Variants in DCAF6 observed in about 807,000 individuals in gnomAD.
The protein encoded by DCAF6 is DDB1 and CUL4 associated factor 6, also known as DDB1- and CUL4-associated factor 6.
In DCAF6, 54 loss-of-function variants were observed where a neutral mutation model predicts 125.1. The observed-to-expected ratio is 0.43, with a 90% CI of 0.35 to 0.54. DCAF6 has a LOEUF of 0.54. Ranked by LOEUF, DCAF6 falls within the 20% of genes least tolerant of loss-of-function variation. DCAF6 has a pLI of 0.01. For missense variants in DCAF6, 934 were observed against 1,161.7 expected, an observed-to-expected ratio of 0.80 and a Z score of 2.85; for synonymous variants, 371 against 390.4, an observed-to-expected ratio of 0.95 and a Z score of 0.58.
chr1:167,933,594 C>T (rs1033845055), upstream of DCAF6, among the ~76,000 whole-genome samples: 1 of 152,212 alleles, frequency 6.6e-6, no homozygotes, highest in Non-Finnish European at 1.5e-5. Context: ...ATTTAATAAA[C>T]TCCTTGTAGG....
the DCAF6 span, chr1:167,903,735 T>C: frequency 1.5e-6 from 1 of 655,144 alleles, no homozygotes; most frequent in Non-Finnish European, 2.8e-6. Context: ...AGTTATACTA[T>C]ATCATATTTC....
At chr1:167,912,191 T>G in the DCAF6 span, among the ~76,000 whole-genome samples, 12 of 152,212 alleles carry the variant, frequency 7.9e-5, no homozygotes, top group Non-Finnish European at 1.5e-5. Flanking sequence ...TAGGAGTTAT[T>G]AAGAAATTAT....
intron 1 of DCAF6, 175 bp downstream of exon 1, chr1:167,937,183 G>A (rs1257128798): frequency 4.0e-5 from 25 of 621,012 alleles, no homozygotes; most frequent in South Asian, 3.6e-4. Context: ...CCCCAGTCAA[G>A]CCCCCTGTGC....
At chr1:167,910,364 A>G in the DCAF6 span, among the ~76,000 whole-genome samples, 1 of 152,230 alleles carries the variant, frequency 6.6e-6, no homozygotes, top group Non-Finnish European at 1.5e-5. Flanking sequence ...AATGTGAGGA[A>G]TGATGGCAGA....
intron 20 of DCAF6, among the ~76,000 whole-genome samples, chr1:168,067,508 G>A (rs1692487073): frequency 6.6e-6 from 1 of 152,106 alleles, no homozygotes; most frequent in African/African-American, 2.4e-5. Context: ...AGGCAGACAG[G>A]GAGCAAAGCA....
chr1:168,015,659 A>G, intron 10 of DCAF6, 122 bp from the exon 11 acceptor site: 2 of 808,814 alleles, frequency 2.5e-6, no homozygotes, highest in Non-Finnish European at 3.5e-6. Context: ...ATTTGTTTAT[A>G]GTATTCCTCT....
the DCAF6 span, chr1:167,883,335 G>T: frequency 7.4e-7 from 1 of 1,352,500 alleles, no homozygotes; most frequent in Non-Finnish European, 1.1e-6. Flanking sequence ...ACCACGCCCA[G>T]CCTCTAGGTT....
chr1:168,038,581 T>C (rs571468423), intron 13 of DCAF6, 93 bp downstream of exon 13: 1 of 944,800 alleles, frequency 1.1e-6, no homozygotes, highest in South Asian at 1.6e-5. Flanking sequence ...TATGTTTTGT[T>C]TTGCTATAAG....
At chr1:167,863,661 C>T in the DCAF6 span, among the ~76,000 whole-genome samples, 1 of 152,214 alleles carries the variant, frequency 6.6e-6, no homozygotes, top group Non-Finnish European at 1.5e-5. Flanking sequence ...GTGGAACATC[C>T]CTGCTGGGGA....
At chr1:167,875,317 G>A in the DCAF6 span, 2 of 856,442 alleles carry the variant, frequency 2.3e-6, no homozygotes, top group East Asian at 5.3e-5. Flanking sequence ...CTGACTCACG[G>A]GTCGCAAACG....
intron 17 of DCAF6, among the ~76,000 whole-genome samples, chr1:168,057,686 GAC>G (rs1452907877): frequency 2.0e-5 from 3 of 152,164 alleles, no homozygotes. Context: ...GGGATACACA[GAC>G]ACATATACAT....
intron 21 of DCAF6, among the ~76,000 whole-genome samples, chr1:168,071,268 A>G (rs1692980563): frequency 6.6e-6 from 1 of 152,184 alleles, no homozygotes; most frequent in Non-Finnish European, 1.5e-5. Context: ...GCCATAGACC[A>G]TATGTAAATG....
chr1:167,986,372 T>C (rs1216100742), intron 4 of DCAF6, among the ~76,000 whole-genome samples: 1 of 152,232 alleles, frequency 6.6e-6, no homozygotes, highest in Non-Finnish European at 1.5e-5. Context: ...ATAAGTCTTT[T>C]CATTTTGGCC....
intron 16 of DCAF6, among the ~76,000 whole-genome samples, chr1:168,050,077 A>AG (rs397773988): frequency 2.0e-5 from 3 of 151,208 alleles, no homozygotes; most frequent in Non-Finnish European, 4.4e-5. Context: ...AAAAAAAAAA[A>AG]CAAGCATCTA....
chr1:167,971,112 C>G (rs959776052), intron 3 of DCAF6, among the ~76,000 whole-genome samples: 3 of 152,148 alleles, frequency 2.0e-5, no homozygotes, highest in Non-Finnish European at 2.9e-5. Flanking sequence ...TGCTTATACT[C>G]TTCTTTCTTT....
the DCAF6 span, chr1:167,878,715 A>G: frequency 3.5e-6 from 5 of 1,437,196 alleles, no homozygotes; most frequent in African/African-American, 1.4e-5. Context: ...TTGTCCCCAA[A>G]TAGCATTTTT....
chr1:168,007,383 A>G (rs2103101546), intron 10 of DCAF6, among the ~76,000 whole-genome samples: 1 of 152,104 alleles, frequency 6.6e-6, no homozygotes, highest in East Asian at 1.9e-4. Flanking sequence ...CTATTGCCTT[A>G]TTTCTCTGCT....
intron 17 of DCAF6, among the ~76,000 whole-genome samples, chr1:168,057,830 G>A (rs1368017372): frequency 2.6e-5 from 4 of 152,092 alleles, no homozygotes; most frequent in Admixed American, 2.6e-4. Context: ...ATCATTGTTA[G>A]TTCATACTTG....
intron 21 of DCAF6, among the ~76,000 whole-genome samples, chr1:168,071,417 A>G (rs1693004658): frequency 6.6e-6 from 1 of 152,188 alleles, no homozygotes; most frequent in Admixed American, 6.5e-5. Flanking sequence ...CAGCCTCGCC[A>G]ACATGGCAAA....
Sources: gnomAD v4.1 joint callset for allele counts (sites outside exome capture counted in the v4.1 genomes callset) on GRCh38, gnomAD v4.1.1 for gene constraint, MANE v1.5 for transcripts, NCBI Gene and HGNC (gene_info 2026-07-23, HGNC 2026-07-21) for gene names.